Variants in ATF3 observed in about 807,000 individuals in gnomAD.
The protein encoded by ATF3 is cyclic AMP-dependent transcription factor ATF-3.
A neutral mutation model predicts 18.4 loss-of-function variants in ATF3; 10 were observed. That is an observed-to-expected ratio of 0.54 (90% CI 0.34 to 0.92). ATF3 has a LOEUF of 0.92. Ranked by LOEUF, ATF3 falls within the 40% of genes least tolerant of loss-of-function variation. ATF3 has a pLI of 0.02. For synonymous variants in ATF3, 78 were observed against 87.9 expected (o/e 0.89, Z 0.63); for missense variants, 183 against 222.3 (o/e 0.82, Z 1.12).
At chr1:212,580,703 C>T (rs1213579545) in intron 1 of ATF3, among the ~76,000 whole-genome samples, 1 of 152,198 alleles carries the variant, frequency 6.6e-6, no homozygotes, top group African/African-American at 2.4e-5. Context: ...ATTTGCAGCA[C>T]TCTAATTTTC....
chr1:212,589,679 G>T (rs546942475), intron 1 of ATF3, among the ~76,000 whole-genome samples: 6 of 132,182 alleles, frequency 4.5e-5, no homozygotes, highest in Non-Finnish European at 9.6e-5. Flanking sequence ...GTGAGACACC[G>T]TCTCAAAAAA....
chr1:212,566,225 C>A (rs1012857016), intron 1 of ATF3, among the ~76,000 whole-genome samples: 2 of 152,154 alleles, frequency 1.3e-5, no homozygotes, highest in African/African-American at 2.4e-5. Context: ...TTACTCCTCT[C>A]ATCTGTAAAA....
chr1:212,608,272 G>A (rs1654706950), upstream of ATF3, among the ~76,000 whole-genome samples: 1 of 152,166 alleles, frequency 6.6e-6, no homozygotes, highest in Non-Finnish European at 1.5e-5. Context: ...GAAAGGTCGT[G>A]CCCGCTTCCC....
chr1:212,595,205 G>A (rs1227232563), intron 1 of ATF3, among the ~76,000 whole-genome samples: 1 of 152,186 alleles, frequency 6.6e-6, no homozygotes, highest in Non-Finnish European at 1.5e-5. Context: ...TAGCCCCTAG[G>A]ACTCTTTGGC....
intron 1 of ATF3, 117 bp from the exon 2 acceptor site, chr1:212,614,901 C>CT: frequency 1.9e-6 from 3 of 1,583,958 alleles, no homozygotes; most frequent in Non-Finnish European, 2.6e-6. Flanking sequence ...AACCCAAGGG[C>CT]TTATGGGACT....
chr1:212,607,789 C>G (rs1654682581), upstream of ATF3, among the ~76,000 whole-genome samples: 1 of 152,242 alleles, frequency 6.6e-6, no homozygotes, highest in Admixed American at 6.5e-5. Context: ...TGGCCGCTGG[C>G]TTCCGCCCCC....
At chr1:212,578,418 A>T (rs1664621602) in intron 1 of ATF3, among the ~76,000 whole-genome samples, 2 of 152,214 alleles carry the variant, frequency 1.3e-5, no homozygotes, top group South Asian at 4.1e-4. Flanking sequence ...CAATATGATC[A>T]ATCAATCTTC....
At chr1:212,565,441 G>A (rs1664360586) in exon 1 of ATF3, 2 of 152,200 alleles carry the variant, frequency 1.3e-5, no homozygotes, top group Non-Finnish European at 2.9e-5. Context: ...TATATAGGAT[G>A]CTCTGCTGTT....
At chr1:212,607,817 G>C (rs549739766), upstream of ATF3, among the ~76,000 whole-genome samples, 4 of 152,198 alleles carry the variant, frequency 2.6e-5, no homozygotes, top group East Asian at 1.9e-4. Context: ...CTCCCACCGG[G>C]TTGCCTCTGA....
chr1:212,607,103 C>A (rs1459135157), upstream of ATF3, among the ~76,000 whole-genome samples: 2 of 152,220 alleles, frequency 1.3e-5, no homozygotes, highest in African/African-American at 4.8e-5. Flanking sequence ...TCCGAGGCCG[C>A]CCTCCGCGTG....
chr1:212,618,544 G>T lies in ATF3; in HGVS notation c.348+310G>T. The T allele has an allele frequency of 4.6e-6, 2 of 437,320 alleles. No individual in the cohort carries two copies. Among genetic ancestry groups the T allele is most frequent in the Non-Finnish European group, 8.4e-6 (2 of 238,722 alleles). The allele number at this position is 437,320 out of a possible 1,614,324, so 27.1% of individuals were successfully genotyped here. ...AGGACATGCCAGCCCAGTTAAAGAG[G>T]CTTCACTTGACTGTTTTCCTGAGAA... On this transcript the variant is annotated intron_variant, in intron 3 of 3. Coordinates refer to ENST00000341491, the MANE Select transcript of ATF3 (RefSeq NM_001674.4). This position sits in a 1 kb window ranked among gnomAD's most constrained non-coding sequence, Gnocchi z 4.4.
At chr1:212,614,947 G>T (rs1655044702) in intron 1 of ATF3, 71 bp from the exon 2 acceptor site, 1 of 1,613,406 alleles carries the variant, frequency 6.2e-7, no homozygotes, top group South Asian at 1.1e-5. Flanking sequence ...TTGGAGGTCT[G>T]GTGGGGGAGG....
chr1:212,582,764 C>G (rs747464815), intron 1 of ATF3, among the ~76,000 whole-genome samples: 1 of 152,044 alleles, frequency 6.6e-6, no homozygotes, highest in East Asian at 1.9e-4. Flanking sequence ...TTCCATGAGA[C>G]CTGCACTTAG....
In ATF3 at chr1:212,568,805, G is replaced by T. The variant is rs144848665; in HGVS notation, c.-5+3322G>T. Among the ~76,000 whole-genome samples the T allele has an allele frequency of 4.9e-3, 741 of 152,136 alleles. 6 individuals carry two copies. The highest frequency in any genetic ancestry group is 0.017 in the African/African-American group (711 of 41,494). On this transcript the variant is annotated intron_variant, in intron 1 of 3. Coordinates refer to the ATF3 transcript ENST00000366981. ...TGCTCTCTTTCTCTCAAAATTGCCT[G>T]TCCAACACAGTCATAATTTCACCTC...
chr1:212,566,922 A>T (rs1472336406), intron 1 of ATF3, among the ~76,000 whole-genome samples: 1 of 152,108 alleles, frequency 6.6e-6, no homozygotes, highest in African/African-American at 2.4e-5. Flanking sequence ...GACCAGAGTG[A>T]CCTGTCTCGA....
intron 1 of ATF3, among the ~76,000 whole-genome samples, chr1:212,567,157 T>A (rs1664396804): frequency 7.3e-6 from 1 of 137,442 alleles, no homozygotes; most frequent in African/African-American, 2.6e-5. Context: ...TCTTTCTCTC[T>A]TTTTTCTTTT....
intron 1 of ATF3, among the ~76,000 whole-genome samples, chr1:212,588,985 T>G (rs1479588220): frequency 6.6e-6 from 1 of 152,242 alleles, no homozygotes; most frequent in Non-Finnish European, 1.5e-5. Flanking sequence ...CATATTTATA[T>G]TTTTAAATAA....
At chr1:212,573,756 G>GT (rs1386308240) in intron 1 of ATF3, among the ~76,000 whole-genome samples, 1 of 151,582 alleles carries the variant, frequency 6.6e-6, no homozygotes, top group Non-Finnish European at 1.5e-5. Context: ...TTCTTCAGCC[G>GT]TGATTGGCAT....
chr1:212,595,274 T>C (rs1241360950), intron 1 of ATF3, among the ~76,000 whole-genome samples: 2 of 152,240 alleles, frequency 1.3e-5, no homozygotes, highest in Non-Finnish European at 2.9e-5. Flanking sequence ...CCGGTTCATA[T>C]AGCTGAAAAC....
Sources: gnomAD v4.1 joint callset for allele counts (sites outside exome capture counted in the v4.1 genomes callset) on GRCh38, gnomAD v4.1.1 for gene constraint, Gnocchi (gnomAD v3.1) non-coding constraint, MANE v1.5 for transcripts, NCBI Gene and HGNC (gene_info 2026-07-23, HGNC 2026-07-21) for gene names.